TECRL: variants seen among roughly 807,000 people sequenced by gnomAD.
TECRL encodes the protein trans-2,3-enoyl-CoA reductase like, also known as trans-2,3-enoyl-CoA reductase-like.
In TECRL, 63 loss-of-function variants were observed where a neutral mutation model predicts 52.8. That is an observed-to-expected ratio of 1.19 (90% CI 0.97 to 1.47). TECRL has a LOEUF of 1.47. Ranked by LOEUF, TECRL falls within the 40% of genes most tolerant of loss-of-function variation. The pLI is 0.00. For synonymous variants in TECRL, 164 were observed against 141.9 expected (o/e 1.16, Z -1.10); for missense variants, 482 against 429.6 (o/e 1.12, Z -1.08).
At chr4:64,407,689 A>G (rs1724822793) in intron 1 of TECRL, among the ~76,000 whole-genome samples, 1 of 151,760 alleles carries the variant, frequency 6.6e-6, no homozygotes, top group South Asian at 2.1e-4. Context: ...GTGTCCTTGA[A>G]TTTAACTGTG....
intron 4 of TECRL, among the ~76,000 whole-genome samples, chr4:64,317,158 A>G (rs1480375436): frequency 6.6e-6 from 1 of 152,022 alleles, no homozygotes; most frequent in Non-Finnish European, 1.5e-5. Flanking sequence ...GGTGCCTGGA[A>G]TCCCAGCTAC....
At chr4:64,353,325 G>C (rs921912212) in intron 2 of TECRL, among the ~76,000 whole-genome samples, 1 of 152,040 alleles carries the variant, frequency 6.6e-6, no homozygotes, top group Admixed American at 6.6e-5. Context: ...TGATGCTAGA[G>C]GTACTAAAGA....
intron 8 of TECRL, among the ~76,000 whole-genome samples, chr4:64,295,425 T>G (rs1723624871): frequency 6.6e-6 from 1 of 151,492 alleles, no homozygotes; most frequent in African/African-American, 2.4e-5. Flanking sequence ...GGAATTTGCT[T>G]AAGGCTTAAA....
chr4:64,400,466 T>C (rs949801305), intron 1 of TECRL, among the ~76,000 whole-genome samples: 16 of 152,130 alleles, frequency 1.1e-4, no homozygotes, highest in Admixed American at 9.8e-4. Flanking sequence ...GGCATGATGG[T>C]ATTTTGAAAT....
intron 1 of TECRL, among the ~76,000 whole-genome samples, chr4:64,394,243 T>C (rs1723760367): frequency 6.6e-6 from 1 of 152,162 alleles, no homozygotes; most frequent in Admixed American, 6.6e-5. Flanking sequence ...AAAAATTTCC[T>C]CTCCACTGCA....
chr4:64,298,627 G>C (rs1723826161), intron 8 of TECRL, among the ~76,000 whole-genome samples: 1 of 150,906 alleles, frequency 6.6e-6, no homozygotes, highest in Admixed American at 6.6e-5. Context: ...TTATATTTGA[G>C]AAAAGGGAAG....
chr4:64,312,052 A>G (rs1717045927), intron 5 of TECRL, among the ~76,000 whole-genome samples: 1 of 152,176 alleles, frequency 6.6e-6, no homozygotes, highest in African/African-American at 2.4e-5. Flanking sequence ...TGGGAGATGT[A>G]CCTTTAGTCC....
rs80027114 is a variant in TECRL, at chr4:64,396,460, A to G, written c.234+12658T>C. 9.3e-3 allele frequency among the ~76,000 whole-genome samples: 1,420 copies of G among 151,996 alleles called. 15 individuals carry two copies. The highest frequency in any genetic ancestry group is 0.031 in the African/African-American group (1,296 of 41,448). ...TTTTTTTCATATTCTTGTTGGTTAT[A>G]TGTATCTTTTCATGTCCTTTGTCCA... On this transcript the variant is annotated intron_variant, in intron 1 of 11. Transcript: ENST00000381210.
Position 64,299,967 on chromosome 4 carries a change from T to A in TECRL, c.774+7A>T. Reference sequence around the variant, plus strand: ...CGTGAATAGCAAAATATATATATGATACATACCAGAAAATTGATAGCAGAT... The same window carrying A: ...CGTGAATAGCAAAATATATATATGAAACATACCAGAAAATTGATAGCAGAT... On this transcript the variant is annotated splice_region_variant and intron_variant, in intron 8 of 11. Transcript: ENST00000381210. 6.4e-7 allele frequency: 1 copy of A among 1,567,736 alleles called. No homozygotes were observed. Among genetic ancestry groups the A allele is most frequent in the Non-Finnish European group, 8.7e-7 (1 of 1,151,890 alleles).
At chr4:64,381,675 TTGATA>T (rs547002232) in intron 1 of TECRL, among the ~76,000 whole-genome samples, 13 of 152,300 alleles carry the variant, frequency 8.5e-5, no homozygotes, top group South Asian at 2.1e-4. Flanking sequence ...CTTCAATCTG[TTGATA>T]TGATATATCA....
intron 2 of TECRL, among the ~76,000 whole-genome samples, chr4:64,349,253 C>G (rs1156601176): frequency 6.6e-6 from 1 of 151,604 alleles, no homozygotes; most frequent in Non-Finnish European, 1.5e-5. Context: ...CTGCCTCAAC[C>G]TCCCGAGTAG....
intron 1 of TECRL, among the ~76,000 whole-genome samples, chr4:64,393,118 T>C (rs187933634): frequency 2.0e-4 from 30 of 152,058 alleles, no homozygotes; most frequent in Admixed American, 1.8e-3. Context: ...TTTCTACCAA[T>C]AGTTCAGTCT....
At chr4:64,325,869 CTT>C (rs1190859323) in intron 3 of TECRL, among the ~76,000 whole-genome samples, 2 of 152,018 alleles carry the variant, frequency 1.3e-5, no homozygotes, top group Non-Finnish European at 2.9e-5. Context: ...GAAAAAATGA[CTT>C]GATAAAATCT....
At chr4:64,361,470 G>A (rs1323359577) in intron 2 of TECRL, among the ~76,000 whole-genome samples, 1 of 152,064 alleles carries the variant, frequency 6.6e-6, no homozygotes, top group East Asian at 1.9e-4. Context: ...ATTGGAGTGT[G>A]GTTGCCAGAA....
chr4:64,386,701 A>G (rs953241159), intron 1 of TECRL, among the ~76,000 whole-genome samples: 2 of 152,200 alleles, frequency 1.3e-5, no homozygotes, highest in African/African-American at 2.4e-5. Context: ...TTTCAAGCCA[A>G]AATGGAAGCC....
intron 1 of TECRL, among the ~76,000 whole-genome samples, chr4:64,382,161 G>A (rs1722839133): frequency 7.0e-6 from 1 of 143,408 alleles, no homozygotes; most frequent in African/African-American, 2.6e-5. Context: ...CCCAATATTA[G>A]TAGGTTGTGT....
At chr4:64,352,513 T>C (rs1336164666) in intron 2 of TECRL, among the ~76,000 whole-genome samples, 1 of 152,212 alleles carries the variant, frequency 6.6e-6, no homozygotes, top group Non-Finnish European at 1.5e-5. Context: ...ATAATTTCAA[T>C]TACTTTTTCA....
intron 1 of TECRL, among the ~76,000 whole-genome samples, chr4:64,406,315 C>T (rs552869848): frequency 1.8e-4 from 27 of 151,878 alleles, no homozygotes; most frequent in African/African-American, 6.3e-4. Context: ...AGACATAAAA[C>T]AAAGTTTCTG....
At chr4:64,383,115 T>C (rs987337449) in intron 1 of TECRL, among the ~76,000 whole-genome samples, 2 of 152,208 alleles carry the variant, frequency 1.3e-5, no homozygotes, top group Admixed American at 6.5e-5. Flanking sequence ...CTGTACTTAA[T>C]GGTTTCTGCT....
Sources: allele counts gnomAD v4.1 joint callset (sites outside exome capture counted in the v4.1 genomes callset), GRCh38; gene constraint gnomAD v4.1.1; transcripts MANE v1.5; gene names NCBI Gene and HGNC (gene_info 2026-07-23, HGNC 2026-07-21).